The following DENND6B variants were observed in gnomAD, a reference collection of about 807,000 sequenced individuals.
DENND6B encodes the protein DENN domain containing 6B, also known as protein DENND6B.
In DENND6B, 73 loss-of-function variants were observed where a neutral mutation model predicts 85.1. The ratio of observed to expected loss-of-function variants is 0.86; its 90% confidence interval spans 0.71 to 1.04. The LOEUF (loss-of-function observed/expected upper bound fraction) is 1.04, where lower values mean the gene tolerates loss of function less well. Among genes scored for constraint, DENND6B ranks in the 50% least tolerant of loss-of-function variants. The pLI, the probability that DENND6B is intolerant of heterozygous loss-of-function variation, is 0.00. For missense variants in DENND6B, 715 were observed against 785.8 expected, an observed-to-expected ratio of 0.91 and a Z score of 1.08; for synonymous variants, 357 against 329.3, an observed-to-expected ratio of 1.08 and a Z score of -0.91.
intron 8 of DENND6B, 81 bp from the exon 9 acceptor site, chr22:50,315,850 A>C (rs1038842680): frequency 2.0e-6 from 3 of 1,482,044 alleles, no homozygotes; most frequent in Non-Finnish European, 2.7e-6. Flanking sequence ...CTCACAGCAC[A>C]GGGGAAGGTG....
chr22:50,318,552 G>A (rs2041931179), intron 3 of DENND6B, among the ~76,000 whole-genome samples: 1 of 152,152 alleles, frequency 6.6e-6, no homozygotes. Flanking sequence ...CTATACCCTG[G>A]GGCAGGAGCG....
At chr22:50,321,945 C>T (rs2042058182) in intron 1 of DENND6B, among the ~76,000 whole-genome samples, 1 of 152,114 alleles carries the variant, frequency 6.6e-6, no homozygotes, top group South Asian at 2.1e-4. Flanking sequence ...AACTCCTGGA[C>T]TCAGCCTTCC....
At position 50,315,756 on chromosome 22, in the gene DENND6B, G is replaced by T; in HGVS notation, c.716C>A (p.Ala239Asp). The change falls in exon 9 of 20, where the codon GCC becomes GAC. Residue 239 changes from alanine to aspartate, a missense_variant. Physicochemically the swap from Ala to Asp is moderately radical, Grantham distance 126 (BLOSUM62 -2). Transcript: ENST00000413817. ...KQFDQENLLP[A>D]PVVLASVHEL... ...GTGGACGCTAGCAAGAACCACTGGGGCTGGCAGCAGGTTCTGAGAGGAGGA... is the reference window on the plus strand; with the variant it reads ...GTGGACGCTAGCAAGAACCACTGGGTCTGGCAGCAGGTTCTGAGAGGAGGA... 6.5e-7 allele frequency: 1 copy of T among 1,544,318 alleles called. No homozygotes were observed. Among genetic ancestry groups the T allele is most frequent in the Middle Eastern group, 1.8e-4 (1 of 5,646 alleles).
intron 13 of DENND6B, 71 bp downstream of exon 13, chr22:50,314,136 C>T (rs888444628): frequency 4.0e-6 from 6 of 1,508,614 alleles, no homozygotes; most frequent in Non-Finnish European, 5.3e-6. Flanking sequence ...GCTGCCCCAC[C>T]CGAGAGACCC....
intron 12 of DENND6B, 42 bp downstream of exon 12, chr22:50,314,358 G>A (rs1569197951): frequency 6.4e-7 from 1 of 1,573,184 alleles, no homozygotes. Flanking sequence ...CACTCAACGA[G>A]GCTTCTGAGC....
chr22:50,313,640 G>T lies in DENND6B; in HGVS notation c.1288C>A (p.Pro430Thr). ...CCCCCAGCCCCGGGCCTCACCAGGGGGATGATGAAGCTCTGGGTGAGCTCC... is the reference window on the plus strand; with the variant it reads ...CCCCCAGCCCCGGGCCTCACCAGGGTGATGATGAAGCTCTGGGTGAGCTCC... ...LLELTQSFIIPLEHYMASLMP... is the reference protein window; with the variant it reads ...LLELTQSFIITLEHYMASLMP... The change falls in exon 15 of 20, where the codon CCC (proline) becomes ACC (threonine). Residue 430 changes from proline (P) to threonine (T), a missense_variant. Coordinates refer to ENST00000413817, the MANE Select transcript of DENND6B (RefSeq NM_001001794.4). 1.9e-6 allele frequency: 3 copies of T among 1,582,822 alleles called. No individual in the cohort carries two copies. Among genetic ancestry groups the T allele is most frequent in the Non-Finnish European group, 2.6e-6 (3 of 1,167,588 alleles).
intron 1 of DENND6B, among the ~76,000 whole-genome samples, chr22:50,321,409 G>A (rs539304971): frequency 4.3e-4 from 65 of 152,264 alleles, no homozygotes; most frequent in Admixed American, 1.4e-3. Flanking sequence ...TCACCAGGCT[G>A]GAGTGCACTG....
chr22:50,314,753 C>A (rs753356348), intron 10 of DENND6B, 46 bp downstream of exon 10: 24 of 1,576,870 alleles, frequency 1.5e-5, no homozygotes, highest in Admixed American at 1.9e-5. Context: ...CCAGGCACAG[C>A]CGCGATGGTC....
rs1448496751 is a variant in DENND6B at position 50,325,157 on chromosome 22, G to A, written c.177+1655C>T. ...CCAGATCATTGCTATGGAGGGTTTC[G>A]CTCATGGACCTGGGTCCCCAACACT... On this transcript the variant is annotated intron_variant, in intron 1 of 19. Transcript: ENST00000413817. Among the ~76,000 whole-genome samples the A allele has an allele frequency of 3.9e-5, 6 of 152,074 alleles. No homozygotes were observed. The East Asian group carries it at 7.7e-4, about 20-fold the overall frequency.
chr22:50,325,935 A>T (rs1403796208), intron 1 of DENND6B, among the ~76,000 whole-genome samples: 1 of 152,130 alleles, frequency 6.6e-6, no homozygotes, highest in East Asian at 1.9e-4. Context: ...GGCTTTCCTG[A>T]TGATGATGAT....
At chr22:50,324,793 G>A (rs1376757870) in intron 1 of DENND6B, among the ~76,000 whole-genome samples, 1 of 152,120 alleles carries the variant, frequency 6.6e-6, no homozygotes, top group African/African-American at 2.4e-5. Flanking sequence ...TGGCATTTTG[G>A]GAGAGGGGTT....
Position 50,312,195 on chromosome 22 carries a change from C to T in DENND6B, c.1702G>A (p.Glu568Lys), listed in dbSNP as rs2068071587. 6 of 1,612,512 alleles carry T rather than the reference C, an allele frequency of 3.7e-6. No individual in the cohort carries two copies. Among genetic ancestry groups the T allele is most frequent in the South Asian group, 2.2e-5 (2 of 91,062 alleles). Residue 568 changes from glutamate to lysine, a missense_variant, in exon 20 of 20, where the codon GAG becomes AAG. Physicochemically the swap from Glu to Lys is moderately conservative, Grantham distance 56 (BLOSUM62 1). Transcript: ENST00000413817. ...TTGGGCAGGGAGCCGATGACCGTCT[C>T]GATGTACAGCTGTGCCCGCTGCAGC... ...ATLQRAQLYI[E>K]TVIGSLPKDL...
At chr22:50,316,762 G>A in intron 5 of DENND6B, 2 of 1,354,778 alleles carry the variant, frequency 1.5e-6, no homozygotes, top group Non-Finnish European at 1.9e-6. Context: ...GACCTCCCCA[G>A]GGGCTGAGCA....
At chr22:50,319,113 G>C in intron 1 of DENND6B, 110 bp from the exon 2 acceptor site, 2 of 1,541,036 alleles carry the variant, frequency 1.3e-6, no homozygotes, top group Non-Finnish European at 1.7e-6. Context: ...ATCTGTCTGT[G>C]GGGCGCAGGT....
Position 50,312,022 on chromosome 22 carries a change from C to T in DENND6B, c.*117G>A. Reference sequence around the variant, plus strand: ...ATGGTGGTGCAGGAAGGGGAGCCTGCAGTCTGGGCGGGGGGCCAAGGAAGG... The same window carrying T: ...ATGGTGGTGCAGGAAGGGGAGCCTGTAGTCTGGGCGGGGGGCCAAGGAAGG... On this transcript the variant is annotated 3_prime_UTR_variant, in exon 20 of 20. Transcript: ENST00000413817. The T allele has an allele frequency of 2.7e-6, 4 of 1,461,732 alleles. No individual in the cohort carries two copies. The highest frequency in any genetic ancestry group is 2.7e-6 in the Non-Finnish European group (3 of 1,101,642). The allele number at this position is 1,461,732 out of a possible 1,614,324, so 90.5% of individuals were successfully genotyped here.
At chr22:50,319,258 C>G (rs1039028688) in intron 1 of DENND6B, 3 of 985,256 alleles carry the variant, frequency 3.0e-6, no homozygotes, top group Non-Finnish European at 3.6e-6. Flanking sequence ...TGATGTCTGG[C>G]TCCTTGCTGA....
chr22:50,314,020 A>T, intron 13 of DENND6B, 142 bp from the exon 14 acceptor site: 1 of 1,279,642 alleles, frequency 7.8e-7, no homozygotes, highest in Non-Finnish European at 1.0e-6. Context: ...TCACCCACCC[A>T]CCCCCCAGAC....
chr22:50,326,802 G>A lies in DENND6B; in HGVS notation c.177+10C>T. The A allele has an allele frequency of 1.4e-6, 2 of 1,383,800 alleles. No individual in the cohort carries two copies. Among genetic ancestry groups the A allele is most frequent in the South Asian group, 1.6e-5 (1 of 64,204 alleles). 85.7% of individuals were successfully genotyped at this position (1,383,800 alleles called of 1,614,324 possible). ...CCCACCCGCCCGCGCCCGCGCTCGC[G>A]CCCGCTCACCTCCAGCGCCTGGCCC... On this transcript the variant is annotated intron_variant, in intron 1 of 19. Coordinates refer to ENST00000413817, the MANE Select transcript of DENND6B (RefSeq NM_001001794.4).
chr22:50,326,652 TG>T (rs1169885658), intron 1 of DENND6B, among the ~76,000 whole-genome samples, 159 bp downstream of exon 1: 1 of 152,190 alleles, frequency 6.6e-6, no homozygotes, highest in African/African-American at 2.4e-5. Flanking sequence ...CTCCTCGGCC[TG>T]GGGAGCGCTT....
Sources: allele counts gnomAD v4.1 joint callset (sites outside exome capture counted in the v4.1 genomes callset), GRCh38; gene constraint gnomAD v4.1.1; transcripts MANE v1.5; gene names NCBI Gene and HGNC (gene_info 2026-07-23, HGNC 2026-07-21).